DDX19A: variants seen among roughly 807,000 people sequenced by gnomAD.
DDX19A encodes ATP-dependent RNA helicase DDX19A.
DDX19A carries 12 observed loss-of-function variants against 60.6 expected under a neutral mutation model. That is an observed-to-expected ratio of 0.20 (90% confidence interval 0.13 to 0.32). The LOEUF (loss-of-function observed/expected upper bound fraction) is 0.32. DDX19A is among the 10% of genes least tolerant of loss of function. The pLI is 1.00. For synonymous variants in DDX19A, 206 were observed against 218.2 expected (o/e 0.94, Z 0.49); for missense variants, 337 against 600.6 (o/e 0.56, Z 4.59).
chr16:70,356,989 C>CTGTA (rs1374846747), intron 4 of DDX19A: 2 of 667,454 alleles, frequency 3.0e-6, no homozygotes, highest in African/African-American at 3.9e-5. Flanking sequence ...TGGCTCACAC[C>CTGTA]TGTAATCCCA....
chr16:70,361,317 G>A (rs1305426596), intron 4 of DDX19A, 101 bp from the exon 5 acceptor site: 9 of 901,952 alleles, frequency 1.0e-5, no homozygotes, highest in African/African-American at 1.7e-5. Flanking sequence ...TCTGACAGAG[G>A]TAGGAGGCAT....
At chr16:70,370,045 T>C (rs903429848) in intron 9 of DDX19A, among the ~76,000 whole-genome samples, 178 bp from the exon 10 acceptor site, 3 of 152,178 alleles carry the variant, frequency 2.0e-5, no homozygotes, top group Non-Finnish European at 4.4e-5. Context: ...ATCAAAAATA[T>C]CTTCAGCTGA....
Position 70,366,251 on chromosome 16 carries a change from C to T in DDX19A, c.771C>T (p.Ile257=). 1 of 1,614,028 alleles carries T rather than the reference C, an allele frequency of 6.2e-7. No individual in the cohort carries two copies. The highest frequency in any genetic ancestry group is 1.1e-5 in the South Asian group (1 of 91,068). ...CTCAGGGCCACCAAGATCAGAGCATCCGCATCCAGAGGTAGGGATCTCGAG... is the reference window on the plus strand; with the variant it reads ...CTCAGGGCCACCAAGATCAGAGCATTCGCATCCAGAGGTAGGGATCTCGAG... ...IATQGHQDQS[I]RIQRMLPRNC... Residue 257 remains isoleucine (I), a synonymous_variant, in exon 8 of 12, where the codon ATC becomes ATT. Transcript: ENST00000302243.
rs1330287216 is a variant in DDX19A at position 70,373,329 on chromosome 16, GTTTTTA to G, written c.*1347_*1352del. On this transcript the variant is annotated 3_prime_UTR_variant, in exon 12 of 12. Transcript: ENST00000302243. ...ATGAGAAACGCTCTACTAATGATTT[GTTTTTA>G]TTTGTATTTTTCTGCTTATTAGACA... The G allele has an allele frequency of 6.6e-6, 1 of 152,096 alleles. No homozygotes were observed. Among genetic ancestry groups the G allele is most frequent in the African/African-American group, 2.4e-5 (1 of 41,432 alleles). The allele number at this position is 152,096 out of a possible 1,614,324, so 9.4% of individuals were successfully genotyped here.
intron 3 of DDX19A, 55 bp from the exon 4 acceptor site, chr16:70,356,057 A>G: frequency 1.2e-6 from 2 of 1,607,660 alleles, no homozygotes; most frequent in Non-Finnish European, 1.7e-6. Context: ...GAGTGGCTTC[A>G]TAAGCCTGGG....
At chr16:70,365,349 G>A (rs530930838) in intron 7 of DDX19A, 133 of 377,944 alleles carry the variant, frequency 3.5e-4, no homozygotes, top group African/African-American at 2.7e-3. Context: ...AAAAATCCAC[G>A]CATGGCTCAC....
At chr16:70,357,019 C>T (rs1964214533) in intron 4 of DDX19A, 1 of 360,440 alleles carries the variant, frequency 2.8e-6, no homozygotes, top group African/African-American at 2.2e-5. Context: ...GAGGCCAAGG[C>T]AGGCAGATCA....
chr16:70,347,747 A>G (rs939542993), intron 1 of DDX19A: 2 of 209,978 alleles, frequency 9.5e-6, no homozygotes, highest in Non-Finnish European at 2.0e-5. Context: ...CTGGAGTGCA[A>G]TGGCGCCATC....
chr16:70,352,307 C>T (rs1322370724), intron 2 of DDX19A, among the ~76,000 whole-genome samples: 1 of 137,034 alleles, frequency 7.3e-6, no homozygotes, highest in African/African-American at 2.8e-5. Flanking sequence ...TTTTTTGAGG[C>T]AGAGTCTTTC....
chr16:70,355,803 G>T (rs1207458002), intron 3 of DDX19A: 5 of 572,290 alleles, frequency 8.7e-6, no homozygotes, highest in Admixed American at 6.1e-5. Context: ...CTCTACAAAA[G>T]ATTTCAAAAT....
chr16:70,371,281 C>T (rs1964680265), intron 10 of DDX19A, 91 bp from the exon 11 acceptor site: 5 of 1,610,698 alleles, frequency 3.1e-6, no homozygotes, highest in Non-Finnish European at 2.5e-6. Flanking sequence ...CCCTCTATCC[C>T]AAAGTTGGTA....
intron 7 of DDX19A, chr16:70,365,772 C>T (rs1964501468): frequency 2.5e-6 from 1 of 407,364 alleles, no homozygotes; most frequent in African/African-American, 2.0e-5. Context: ...AGAGTGAGAC[C>T]CTGTCTCAAA....
chr16:70,371,827 T>C (rs769542628), intron 11 of DDX19A, 98 bp from the exon 12 acceptor site: 125 of 1,581,158 alleles, frequency 7.9e-5, no homozygotes, highest in Admixed American at 4.6e-4. Flanking sequence ...GCCCCCTGCT[T>C]AGGCACCCGG....
intron 5 of DDX19A, among the ~76,000 whole-genome samples, chr16:70,361,991 T>C (rs1964374589): frequency 6.6e-6 from 1 of 150,810 alleles, no homozygotes; most frequent in African/African-American, 2.4e-5. Flanking sequence ...GGCAACATGG[T>C]GAAACCCCGT....
rs550758268 is a variant in DDX19A, at chr16:70,348,429, C to T, written c.57+1381C>T. ...TCACTCGAGGTCAAGAGTTTGATAC[C>T]AGCCTGGCCAACATAGTGAAACCCT... On this transcript the variant is annotated intron_variant, in intron 1 of 11. Transcript: ENST00000302243. Among the ~76,000 whole-genome samples the T allele has an allele frequency of 3.9e-5, 6 of 151,960 alleles. No individual in the cohort carries two copies. The East Asian group carries it at 9.7e-4, about 25-fold the overall frequency.
chr16:70,370,165 A>C, intron 9 of DDX19A, 58 bp from the exon 10 acceptor site: 7 of 1,557,762 alleles, frequency 4.5e-6, no homozygotes, highest in Non-Finnish European at 5.2e-6. Flanking sequence ...ACTGTGTCTC[A>C]AAAAGAAAAA....
intron 9 of DDX19A, 152 bp from the exon 10 acceptor site, chr16:70,370,071 C>T: frequency 9.2e-7 from 1 of 1,086,812 alleles, no homozygotes; most frequent in Non-Finnish European, 1.3e-6. Context: ...GTGCCTCACA[C>T]CTGTACTCCC....
chr16:70,349,424 G>A (rs1000279577), intron 1 of DDX19A, among the ~76,000 whole-genome samples: 2 of 152,154 alleles, frequency 1.3e-5, no homozygotes, highest in African/African-American at 4.8e-5. Flanking sequence ...AAAAAGAGTT[G>A]AGGCAGACTG....
Position 70,356,243 on chromosome 16 carries a change from C to T in DDX19A, c.289C>T (p.Arg97Trp), listed in dbSNP as rs375778080. 2.9e-5 allele frequency: 47 copies of T among 1,614,186 alleles called. No homozygotes were observed. Among genetic ancestry groups the T allele is most frequent in the Non-Finnish European group, 3.6e-5 (43 of 1,180,036 alleles). The change falls in exon 4 of 12, where the codon CGG becomes TGG. Residue 97 changes from arginine to tryptophan, a missense_variant. Arg to Trp is a moderately radical substitution (Grantham distance 101). This residue lies in a region of DDX19A where 127 missense variants were observed against 160.3 expected (regional missense o/e 0.79). Transcript: ENST00000302243. ...LYSVKSFEEL[R>W]LKPQLLQGVY... ...CTCGGTGAAGTCGTTTGAAGAGCTT[C>T]GGCTGTGAGTATTCGCTCCTTTCAA...
Sources: allele counts gnomAD v4.1 joint callset (sites outside exome capture counted in the v4.1 genomes callset), GRCh38; gene constraint gnomAD v4.1.1; regional missense constraint gnomAD v4.1.1; transcripts MANE v1.5; gene names NCBI Gene and HGNC (gene_info 2026-07-23, HGNC 2026-07-21).